Variants in PEBP1 observed in about 807,000 individuals in gnomAD.
PEBP1 encodes the protein phosphatidylethanolamine binding protein 1.
Under a neutral mutation model 22.7 loss-of-function variants are expected in PEBP1, and 17 were observed. The observed-to-expected ratio is 0.75, with a 90% CI of 0.51 to 1.12. The LOEUF is 1.12. Among genes scored for constraint, PEBP1 ranks in the 50% most tolerant of loss-of-function variants. PEBP1 has a pLI of 0.00. For synonymous variants in PEBP1, 106 were observed against 104.3 expected, an observed-to-expected ratio of 1.02 and a Z score of -0.10; for missense variants, 205 against 243.5, an observed-to-expected ratio of 0.84 and a Z score of 1.05.
At chr12:118,142,104 C>T (rs147035101) in intron 3 of PEBP1, among the ~76,000 whole-genome samples, 1 of 151,672 alleles carries the variant, frequency 6.6e-6, no homozygotes, top group African/African-American at 2.4e-5. Flanking sequence ...AAGACAAATA[C>T]CGTACAATTC....
chr12:118,140,818 G>A (rs1027645371), intron 3 of PEBP1, among the ~76,000 whole-genome samples: 6 of 152,008 alleles, frequency 3.9e-5, no homozygotes, highest in African/African-American at 9.7e-5. Context: ...GATTACAGGC[G>A]TGAGCCACTG....
intron 2 of PEBP1, 32 bp downstream of exon 2, chr12:118,138,180 C>T (rs754426502): frequency 3.5e-6 from 5 of 1,429,128 alleles, no homozygotes; most frequent in Middle Eastern, 1.8e-4. Context: ...AAGAGCAGGT[C>T]ATGCAGAGAT....
At chr12:118,141,158 C>G (rs2138085969) in intron 3 of PEBP1, among the ~76,000 whole-genome samples, 1 of 152,076 alleles carries the variant, frequency 6.6e-6, no homozygotes, top group African/African-American at 2.4e-5. Context: ...GCTCTGTCTC[C>G]CAGGCTGGAG....
intron 2 of PEBP1, chr12:118,138,877 A>T (rs2034089593): frequency 6.5e-6 from 1 of 154,912 alleles, no homozygotes; most frequent in Non-Finnish European, 1.4e-5. Context: ...TGCAACAGAG[A>T]CTGTGGCCCC....
chr12:118,143,785 A>G (rs1406018396), intron 3 of PEBP1, among the ~76,000 whole-genome samples: 2 of 151,896 alleles, frequency 1.3e-5, no homozygotes, highest in Non-Finnish European at 2.9e-5. Context: ...CGTACCTGTA[A>G]TCCTAGCTAC....
In PEBP1 at chr12:118,139,504, G is replaced by T. The variant is rs200767486; in HGVS notation, c.299G>T (p.Gly100Val). Residue 100 changes from glycine to valine, a missense_variant, in exon 3 of 4, where the codon GGC becomes GTC. Coordinates refer to ENST00000261313, the MANE Select transcript of PEBP1 (RefSeq NM_002567.4). ...VNMKGNDISS[G>V]TVLSDYVGSG... Reference sequence around the variant, plus strand: ...ATGAAGGGCAATGACATCAGCAGTGGCACAGTCCTCTCCGATTATGTGGGC... The same window carrying T: ...ATGAAGGGCAATGACATCAGCAGTGTCACAGTCCTCTCCGATTATGTGGGC... The T allele has an allele frequency of 6.2e-7, 1 of 1,613,370 alleles. No homozygotes were observed. The highest frequency in any genetic ancestry group is 1.7e-5 in the Admixed American group (1 of 59,988).
At chr12:118,137,511 C>T (rs993249469) in intron 1 of PEBP1, among the ~76,000 whole-genome samples, 1 of 152,092 alleles carries the variant, frequency 6.6e-6, no homozygotes, top group Admixed American at 6.6e-5. Context: ...GCCTTGATAG[C>T]GTCACTACAC....
chr12:118,137,817 A>T (rs2034079410), intron 1 of PEBP1, among the ~76,000 whole-genome samples: 1 of 151,982 alleles, frequency 6.6e-6, no homozygotes. Context: ...CCTCCCGAGT[A>T]GCTGGGATTA....
chr12:118,136,242 CT>C lies in PEBP1; in HGVS notation c.35del (p.Leu12Ter). 6.5e-7 allele frequency: 1 copy of C among 1,547,168 alleles called. No homozygotes were observed. Among genetic ancestry groups the C allele is most frequent in the East Asian group, 2.4e-5 (1 of 40,882 alleles). ...PVDLSKWSGP[L>X]SLQEVDEQPQ... Reference sequence around the variant, plus strand: ...TGGACCTCAGCAAGTGGTCCGGGCCCTTGAGCCTGCAAGAAGTGGACGAGCA... The same window carrying C: ...TGGACCTCAGCAAGTGGTCCGGGCCCTGAGCCTGCAAGAAGTGGACGAGCA... On this transcript the variant is annotated frameshift_variant, in exon 1 of 4. Coordinates refer to ENST00000261313, the MANE Select transcript of PEBP1 (RefSeq NM_002567.4). LOFTEE classifies it high-confidence loss of function. This position sits in a 1 kb window ranked among gnomAD's most constrained non-coding sequence, Gnocchi z 5.6.
chr12:118,144,010 G>C (rs1004132105), intron 3 of PEBP1, among the ~76,000 whole-genome samples: 3 of 152,144 alleles, frequency 2.0e-5, no homozygotes, highest in African/African-American at 7.2e-5. Flanking sequence ...GTTAAAGTGA[G>C]GTTGGGTCAC....
Position 118,144,914 on chromosome 12 carries a change from A to G in PEBP1, c.*111A>G. 6.4e-7 allele frequency: 1 copy of G among 1,569,984 alleles called. No individual in the cohort carries two copies. Among genetic ancestry groups the G allele is most frequent in the South Asian group, 1.1e-5 (1 of 86,982 alleles). On this transcript the variant is annotated 3_prime_UTR_variant, in exon 4 of 4. Transcript: ENST00000261313. ...CTTCCTGCCCCCCTTGGCATGGGTGAGACCTGACCAGTCAGATGGTAGTTG... is the reference window on the plus strand; with the variant it reads ...CTTCCTGCCCCCCTTGGCATGGGTGGGACCTGACCAGTCAGATGGTAGTTG...
chr12:118,143,147 C>T (rs534494430), intron 3 of PEBP1, among the ~76,000 whole-genome samples: 1 of 152,216 alleles, frequency 6.6e-6, no homozygotes, highest in South Asian at 2.1e-4. Flanking sequence ...CTACCATGCC[C>T]GACCACTACA....
At chr12:118,141,411 A>G (rs919653226) in intron 3 of PEBP1, among the ~76,000 whole-genome samples, 2 of 152,138 alleles carry the variant, frequency 1.3e-5, no homozygotes, top group Non-Finnish European at 2.9e-5. Context: ...CACTGTGTCC[A>G]GCCACTTTCG....
Position 118,136,126 on chromosome 12 carries a change from T to G in PEBP1, c.-84T>G, listed in dbSNP as rs2034053447. On this transcript the variant is annotated 5_prime_UTR_variant, in exon 1 of 4. Transcript: ENST00000261313. The surrounding 1 kb of genome is among the most constrained non-coding windows in gnomAD (Gnocchi z 5.6). ...CTGGGTCTGCGTCTTCCCGAGCCAG[T>G]GTGCTGAGCTCTCCGCGTCGCCTCT... is the stretch of plus-strand genomic sequence containing the variant. 2.0e-6 allele frequency: 3 copies of G among 1,470,732 alleles called. No individual in the cohort carries two copies. Among genetic ancestry groups the G allele is most frequent in the Non-Finnish European group, 2.7e-6 (3 of 1,097,278 alleles). 91.1% of individuals were successfully genotyped at this position (1,470,732 alleles called of 1,614,324 possible). A position where few individuals can be genotyped will look rare whatever the true frequency, so the allele number is the denominator to read the frequency against.
rs1201406041 is a variant in PEBP1, at chr12:118,136,526, C to T, written c.135+182C>T. Among the ~76,000 whole-genome samples, 1 of 152,234 alleles carries T rather than the reference C, an allele frequency of 6.6e-6. No homozygotes were observed. Among genetic ancestry groups the T allele is most frequent in the Non-Finnish European group, 1.5e-5 (1 of 68,038 alleles). ...CCATGCCTGGGGGCCACCCCGAGCA[C>T]CGGGAACCCGGCCTGTGGCGTGGCC... On this transcript the variant is annotated intron_variant, in intron 1 of 3. Coordinates refer to ENST00000261313, the MANE Select transcript of PEBP1 (RefSeq NM_002567.4). This position sits in a 1 kb window ranked among gnomAD's most constrained non-coding sequence, Gnocchi z 5.6.
At chr12:118,142,174 CTTTTTT>C (rs897008585) in intron 3 of PEBP1, among the ~76,000 whole-genome samples, 4 of 125,464 alleles carry the variant, frequency 3.2e-5, no homozygotes, top group South Asian at 2.6e-4. Context: ...GCCATGCATT[CTTTTTT>C]TTTTTTTTTT....
intron 3 of PEBP1, among the ~76,000 whole-genome samples, chr12:118,144,368 T>G (rs1039223404): frequency 1.3e-5 from 2 of 152,190 alleles, no homozygotes; most frequent in African/African-American, 4.8e-5. Context: ...TAACACATTC[T>G]ATTAGGTTGA....
intron 3 of PEBP1, 27 bp downstream of exon 3, chr12:118,139,578 G>T: frequency 6.9e-7 from 1 of 1,439,082 alleles, no homozygotes. Context: ...TTTGGTGGGA[G>T]GTTGGGGAGG....
chr12:118,144,197 T>G (rs1233774747), intron 3 of PEBP1, among the ~76,000 whole-genome samples: 1 of 151,516 alleles, frequency 6.6e-6, no homozygotes, highest in Non-Finnish European at 1.5e-5. Context: ...TGGGGGGTGG[T>G]GGGTGGTGAC....
Sources: allele counts gnomAD v4.1 joint callset (sites outside exome capture counted in the v4.1 genomes callset), GRCh38; gene constraint gnomAD v4.1.1; non-coding constraint Gnocchi (gnomAD v3.1); transcripts MANE v1.5; gene names NCBI Gene and HGNC (gene_info 2026-07-23, HGNC 2026-07-21).